The following SATB2 variants were observed in gnomAD, a reference collection of about 807,000 sequenced individuals.
SATB2 encodes the protein DNA-binding protein SATB2.
In SATB2, 1 loss-of-function variant was observed where a neutral mutation model predicts 73.4. The ratio of observed to expected loss-of-function variants is 0.01; its 90% confidence interval spans 0.00 to 0.06. The LOEUF is 0.06. Among genes scored for constraint, SATB2 ranks in the 10% least tolerant of loss-of-function variants. The pLI is 1.00. For missense variants in SATB2, 459 were observed against 945.8 expected (o/e 0.49, Z 6.75); for synonymous variants, 397 against 367.0 (o/e 1.08, Z -0.93).
At chr2:199,340,656 C>T (rs1471117369) in intron 7 of SATB2, among the ~76,000 whole-genome samples, 1 of 152,162 alleles carries the variant, frequency 6.6e-6, no homozygotes, top group Non-Finnish European at 1.5e-5. Context: ...TCAAATGATA[C>T]AGTCTTCTTA....
At chr2:199,406,033 C>T (rs1453651693) in intron 3 of SATB2, among the ~76,000 whole-genome samples, 1 of 152,086 alleles carries the variant, frequency 6.6e-6, no homozygotes. Flanking sequence ...ATAACACTTA[C>T]ATAGCATTTA....
intron 10 of SATB2, among the ~76,000 whole-genome samples, chr2:199,291,280 T>C (rs765119782): frequency 9.9e-5 from 15 of 152,146 alleles, no homozygotes; most frequent in Non-Finnish European, 1.2e-4. Flanking sequence ...AAGAGAATGG[T>C]TTCAAGTTAG....
At chr2:199,452,000 A>T (rs1396990059) in intron 2 of SATB2, among the ~76,000 whole-genome samples, 1 of 152,136 alleles carries the variant, frequency 6.6e-6, no homozygotes, top group African/African-American at 2.4e-5. Context: ...TATAAAACAT[A>T]AATTATTTTT....
intron 10 of SATB2, among the ~76,000 whole-genome samples, chr2:199,303,981 G>C (rs1463121817): frequency 1.3e-5 from 2 of 152,194 alleles, no homozygotes; most frequent in Non-Finnish European, 2.9e-5. Context: ...ATGACACAGA[G>C]AGGAACAATT....
rs552462439 is a variant in SATB2, at chr2:199,326,036, T to C, written c.1387-2078A>G. 5.3e-5 allele frequency: 8 copies of C among 152,274 alleles called. No homozygotes were observed. In the South Asian group the frequency reaches 1.7e-3, roughly 32 times the overall value. 9.4% of individuals were successfully genotyped at this position (152,274 alleles called of 1,614,324 possible). ...GATGGGGTCTGGAAAATAATCTCCCTGCATCAATGTCAAGCTGCTTGTGTG... is the reference window on the plus strand; with the variant it reads ...GATGGGGTCTGGAAAATAATCTCCCCGCATCAATGTCAAGCTGCTTGTGTG... On this transcript the variant is annotated intron_variant, in intron 8 of 10. Coordinates refer to ENST00000417098, the MANE Select transcript of SATB2 (RefSeq NM_001172509.2).
At chr2:199,423,139 G>A (rs1691221354) in intron 3 of SATB2, among the ~76,000 whole-genome samples, 1 of 152,122 alleles carries the variant, frequency 6.6e-6, no homozygotes, top group Non-Finnish European at 1.5e-5. Context: ...GAAATGGAGA[G>A]AAGAGGATCA....
At chr2:199,368,743 T>C (rs767153931) in intron 5 of SATB2, 36 bp from the exon 6 acceptor site, 85 of 1,247,386 alleles carry the variant, frequency 6.8e-5, no homozygotes. Context: ...TTTCAAAATA[T>C]GACTACTTCT....
chr2:199,271,944 G>T lies in SATB2; in HGVS notation c.*267C>A. 2.0e-6 allele frequency: 1 copy of T among 505,974 alleles called. No individual in the cohort carries two copies. The highest frequency in any genetic ancestry group is 3.6e-6 in the Non-Finnish European group (1 of 279,544). 31.3% of individuals were successfully genotyped at this position (505,974 alleles called of 1,614,324 possible). A position where few individuals can be genotyped will look rare whatever the true frequency, so the allele number is the denominator to read the frequency against. ...TTATAATGACTATGATCCAGTCATA[G>T]AGACGGGATAAAGTGTAACGCTTTA... On this transcript the variant is annotated 3_prime_UTR_variant, in exon 11 of 11. Coordinates refer to ENST00000417098, the MANE Select transcript of SATB2 (RefSeq NM_001172509.2).
At chr2:199,361,178 A>G (rs1349087016) in intron 6 of SATB2, among the ~76,000 whole-genome samples, 2 of 152,258 alleles carry the variant, frequency 1.3e-5, no homozygotes, top group African/African-American at 4.8e-5. Context: ...AGCCTAATGG[A>G]CATTTCTACC....
At chr2:199,458,857 C>T (rs1423996995), upstream of SATB2, 4 of 300,252 alleles carry the variant, frequency 1.3e-5, no homozygotes, top group East Asian at 3.3e-4. Context: ...CCCGGCCCGC[C>T]GCGCTTCGTG....
chr2:199,448,230 T>C (rs1299392721), intron 2 of SATB2, among the ~76,000 whole-genome samples: 2 of 152,192 alleles, frequency 1.3e-5, no homozygotes, highest in Admixed American at 6.6e-5. Flanking sequence ...TTATATGTAA[T>C]AATAATTGAA....
chr2:199,383,825 C>T (rs747837568), intron 3 of SATB2, among the ~76,000 whole-genome samples: 1 of 152,102 alleles, frequency 6.6e-6, no homozygotes, highest in Non-Finnish European at 1.5e-5. Flanking sequence ...CCAGACACAA[C>T]AGAATATATC....
At chr2:199,432,728 G>A (rs550974503) in intron 3 of SATB2, among the ~76,000 whole-genome samples, 1 of 151,988 alleles carries the variant, frequency 6.6e-6, no homozygotes, top group Non-Finnish European at 1.5e-5. Context: ...ACTTCAAAAT[G>A]AAACAACAGA....
intron 6 of SATB2, among the ~76,000 whole-genome samples, chr2:199,363,960 T>C (rs1294982311): frequency 1.3e-5 from 2 of 152,138 alleles, no homozygotes; most frequent in African/African-American, 4.8e-5. Flanking sequence ...AAAAATTAGG[T>C]AGACAAAAGT....
chr2:199,310,680 C>A (rs1465616605), intron 9 of SATB2, among the ~76,000 whole-genome samples: 2 of 152,168 alleles, frequency 1.3e-5, no homozygotes, highest in African/African-American at 4.8e-5. Flanking sequence ...ATGTTTCAAA[C>A]AGGTATGTTT....
chr2:199,410,816 C>T (rs927174255), intron 3 of SATB2, among the ~76,000 whole-genome samples: 2 of 152,170 alleles, frequency 1.3e-5, no homozygotes, highest in Non-Finnish European at 2.9e-5. Flanking sequence ...CCTATTATAA[C>T]TAAGCAGCTA....
intron 8 of SATB2, among the ~76,000 whole-genome samples, chr2:199,327,947 C>T (rs529754891): frequency 3.3e-4 from 50 of 152,150 alleles, no homozygotes; most frequent in Non-Finnish European, 6.5e-4. Flanking sequence ...GCTTCAACTA[C>T]CCTCTGCCCC....
intron 2 of SATB2, among the ~76,000 whole-genome samples, chr2:199,450,609 C>T (rs910647301): frequency 6.6e-6 from 1 of 151,730 alleles, no homozygotes; most frequent in Non-Finnish European, 1.5e-5. Context: ...CAACAGAAAC[C>T]TAAAAAGCTT....
intron 3 of SATB2, among the ~76,000 whole-genome samples, chr2:199,408,603 G>C (rs1197677543): frequency 1.3e-5 from 2 of 150,684 alleles, no homozygotes; most frequent in Non-Finnish European, 2.9e-5. Context: ...AATTACTTTT[G>C]CAACAACTTA....
Sources: allele counts gnomAD v4.1 joint callset (sites outside exome capture counted in the v4.1 genomes callset), GRCh38; gene constraint gnomAD v4.1.1; transcripts MANE v1.5; gene names NCBI Gene and HGNC (gene_info 2026-07-23, HGNC 2026-07-21).